KDM4B: variants seen among roughly 807,000 people sequenced by gnomAD.
KDM4B encodes lysine-specific demethylase 4B.
Under a neutral mutation model 125.2 loss-of-function variants are expected in KDM4B, and 32 were observed. That is an observed-to-expected ratio of 0.26 (90% CI 0.19 to 0.34). The LOEUF (loss-of-function observed/expected upper bound fraction) is 0.34, where lower values mean the gene tolerates loss of function less well. Among genes scored for constraint, KDM4B ranks in the 10% least tolerant of loss-of-function variants. The pLI is 1.00. For synonymous variants in KDM4B, 721 were observed against 677.9 expected, an observed-to-expected ratio of 1.06 and a Z score of -0.99; for missense variants, 1,190 against 1,577.7, an observed-to-expected ratio of 0.75 and a Z score of 4.16.
intron 1 of KDM4B, among the ~76,000 whole-genome samples, chr19:4,991,889 A>G (rs1308124630): frequency 6.6e-6 from 1 of 152,206 alleles, no homozygotes; most frequent in Non-Finnish European, 1.5e-5. Flanking sequence ...TTTCGCTTGC[A>G]ATCTGTCGAA....
intron 2 of KDM4B, among the ~76,000 whole-genome samples, chr19:5,023,662 G>A (rs1254102807): frequency 3.3e-5 from 5 of 152,198 alleles, no homozygotes; most frequent in Non-Finnish European, 7.4e-5. Flanking sequence ...GGAGCAGGAG[G>A]TGGGACAAGA....
intron 6 of KDM4B, among the ~76,000 whole-genome samples, chr19:5,054,508 G>A (rs1195020984): frequency 1.3e-5 from 2 of 152,036 alleles, no homozygotes; most frequent in African/African-American, 2.4e-5. Flanking sequence ...ATGCACATGC[G>A]TACACATGTA....
At chr19:4,975,256 C>T (rs1215005771) in intron 1 of KDM4B, among the ~76,000 whole-genome samples, 4 of 152,200 alleles carry the variant, frequency 2.6e-5, no homozygotes, top group East Asian at 1.9e-4. Flanking sequence ...AGAAAGCTCC[C>T]GTGGGCGAGT....
chr19:5,129,644 C>T (rs972356986), intron 11 of KDM4B, among the ~76,000 whole-genome samples: 3 of 152,208 alleles, frequency 2.0e-5, no homozygotes, highest in Non-Finnish European at 2.9e-5. Flanking sequence ...TGGGACCTTC[C>T]AGTTTTAGCA....
chr19:5,132,365 G>A (rs2039573515), intron 13 of KDM4B, among the ~76,000 whole-genome samples: 1 of 152,232 alleles, frequency 6.6e-6, no homozygotes, highest in Non-Finnish European at 1.5e-5. Context: ...GAAGCTTTGA[G>A]TGGGAGGGGA....
intron 22 of KDM4B, among the ~76,000 whole-genome samples, chr19:5,150,974 TCGAGAGG>T (rs777659821): frequency 6.6e-6 from 1 of 152,182 alleles, no homozygotes. Context: ...CTCTTTCTAA[TCGAGAGG>T]CGAGAGGCGA....
intron 9 of KDM4B, among the ~76,000 whole-genome samples, chr19:5,084,179 G>A (rs939764506): frequency 6.6e-6 from 1 of 151,506 alleles, no homozygotes; most frequent in Non-Finnish European, 1.5e-5. Context: ...CCCGGGAGGT[G>A]GAGGTTGCAG....
intron 6 of KDM4B, among the ~76,000 whole-genome samples, chr19:5,059,199 G>A (rs1375078607): frequency 6.6e-6 from 1 of 152,260 alleles, no homozygotes; most frequent in Non-Finnish European, 1.5e-5. Flanking sequence ...CAGCTCCCCA[G>A]AAGGGAGATG....
Position 5,131,967 on chromosome 19 carries a change from C to G in KDM4B, c.1866C>G (p.Ser622=). The change falls in exon 13 of 23, where the codon TCC becomes TCG. Residue 622 remains serine (S), a synonymous_variant. Coordinates refer to ENST00000159111, the MANE Select transcript of KDM4B (RefSeq NM_015015.3). ...CCCTGGGCCGGCCGCCCACCCGGTC[C>G]CCACTGTCGGTGGTGAAGCAGGAGG... The part of the protein sequence containing the change: ...RHPLGRPPTR[S]PLSVVKQEAS... 6.2e-7 allele frequency: 1 copy of G among 1,611,716 alleles called. No homozygotes were observed. The highest frequency in any genetic ancestry group is 8.5e-7 in the Non-Finnish European group (1 of 1,179,424).
chr19:5,005,299 ATG>A, intron 1 of KDM4B, among the ~76,000 whole-genome samples: 1 of 152,282 alleles, frequency 6.6e-6, no homozygotes, highest in Middle Eastern at 3.4e-3. Context: ...CTTTTGAAAG[ATG>A]TTACCAAACC....
chr19:5,137,439 TG>T (rs2146080955), intron 16 of KDM4B, 101 bp downstream of exon 16: 1 of 1,284,234 alleles, frequency 7.8e-7, no homozygotes, highest in African/African-American at 1.5e-5. Context: ...TCCGTGGGCC[TG>T]GGTTCCTTCA....
At chr19:5,092,003 T>C (rs2038717703) in intron 9 of KDM4B, among the ~76,000 whole-genome samples, 1 of 152,196 alleles carries the variant, frequency 6.6e-6, no homozygotes, top group Non-Finnish European at 1.5e-5. Flanking sequence ...CCCCTTCCCA[T>C]GTGTGGGCTT....
chr19:4,981,699 C>T (rs2034648934), intron 1 of KDM4B, among the ~76,000 whole-genome samples: 1 of 152,154 alleles, frequency 6.6e-6, no homozygotes, highest in African/African-American at 2.4e-5. Flanking sequence ...GTACAGTCAG[C>T]CCAGTGCCAA....
chr19:5,144,998 G>T, intron 21 of KDM4B, 96 bp downstream of exon 21: 1 of 1,533,066 alleles, frequency 6.5e-7, no homozygotes, highest in Non-Finnish European at 8.9e-7. Flanking sequence ...AGGTGCCTTT[G>T]CCTGGGGCAC....
intron 2 of KDM4B, among the ~76,000 whole-genome samples, chr19:5,025,224 A>G (rs936684514): frequency 1.3e-5 from 2 of 151,832 alleles, no homozygotes; most frequent in Non-Finnish European, 2.9e-5. Context: ...GCTCACGCCT[A>G]TAATCCCAGC....
In KDM4B at chr19:5,152,076, G is replaced by A. The variant is rs1040881165; in HGVS notation, c.*565G>A. The A allele has an allele frequency of 5.9e-5, 9 of 151,760 alleles. No individual in the cohort carries two copies. The highest frequency in any genetic ancestry group is 1.2e-4 in the Non-Finnish European group (8 of 68,014). 9.4% of individuals were successfully genotyped at this position (151,760 alleles called of 1,614,324 possible). A position where few individuals can be genotyped will look rare whatever the true frequency, so the allele number is the denominator to read the frequency against. On this transcript the variant is annotated 3_prime_UTR_variant, in exon 23 of 23. Coordinates refer to ENST00000159111, the MANE Select transcript of KDM4B (RefSeq NM_015015.3). ...TTATGATTTGGCTACAGACCAGGCA[G>A]GGAAAGAGACCCGGTAATTGGAGGG...
chr19:5,090,301 TTTTGAGAA>T (rs2038648878), intron 9 of KDM4B, among the ~76,000 whole-genome samples: 1 of 151,174 alleles, frequency 6.6e-6, no homozygotes. Context: ...ACCCGGTTCG[TTTTGAGAA>T]GTCTCTTTCT....
At chr19:5,017,085 T>A (rs2035915995) in intron 2 of KDM4B, among the ~76,000 whole-genome samples, 1 of 152,188 alleles carries the variant, frequency 6.6e-6, no homozygotes, top group Non-Finnish European at 1.5e-5. Flanking sequence ...GCCCTTGGAT[T>A]GTGTGCCGCT....
At chr19:5,057,804 G>A (rs1156236844) in intron 6 of KDM4B, among the ~76,000 whole-genome samples, 2 of 152,258 alleles carry the variant, frequency 1.3e-5, no homozygotes, top group African/African-American at 2.4e-5. Flanking sequence ...GCCTGAACCC[G>A]AAGGTGTGGG....
Sources: gnomAD v4.1 joint callset for allele counts (sites outside exome capture counted in the v4.1 genomes callset) on GRCh38, gnomAD v4.1.1 for gene constraint, MANE v1.5 for transcripts, NCBI Gene and HGNC (gene_info 2026-07-23, HGNC 2026-07-21) for gene names.